The following ODAD2 variants were observed in gnomAD, a reference collection of about 807,000 sequenced individuals.
The protein encoded by ODAD2 is outer dynein arm docking complex subunit 2.
ODAD2 carries 89 observed loss-of-function variants against 106.8 expected under a neutral mutation model. That is an observed-to-expected ratio of 0.83 (90% CI 0.70 to 0.99). ODAD2 has a LOEUF of 0.99. ODAD2 is among the 50% of genes least tolerant of loss of function. The pLI, the probability that ODAD2 is intolerant of heterozygous loss-of-function variation, is 0.00. For synonymous variants in ODAD2, 404 were observed against 436.2 expected (o/e 0.93, Z 0.92); for missense variants, 1,168 against 1,238.5 (o/e 0.94, Z 0.85).
At chr10:27,933,560 G>T (rs536997205) in intron 16 of ODAD2, among the ~76,000 whole-genome samples, 1 of 152,288 alleles carries the variant, frequency 6.6e-6, no homozygotes, top group East Asian at 1.9e-4. Flanking sequence ...CCAGGTAAAA[G>T]ATGACAGAGC....
chr10:27,852,185 C>T (rs1441973853), intron 19 of ODAD2, among the ~76,000 whole-genome samples: 1 of 152,166 alleles, frequency 6.6e-6, no homozygotes, highest in African/African-American at 2.4e-5. Context: ...TAAAAGTCTT[C>T]TAGGCAGAAG....
intron 7 of ODAD2, among the ~76,000 whole-genome samples, chr10:27,979,982 T>C (rs1262906423): frequency 6.6e-6 from 1 of 152,132 alleles, no homozygotes; most frequent in Non-Finnish European, 1.5e-5. Flanking sequence ...AAAAGAAAGA[T>C]ATAGACCAAT....
rs973794793 is a variant in ODAD2, at chr10:27,909,719, G to A, written c.2496-1942C>T. On this transcript the variant is annotated intron_variant, in intron 16 of 19. Coordinates refer to ENST00000305242, the MANE Select transcript of ODAD2 (RefSeq NM_018076.5). ...TGTAGTCCCAGCTACTCAGGAGGCT[G>A]AGGCAGGAGAGTCGCTTGAACCCAG... Among the ~76,000 whole-genome samples the A allele has an allele frequency of 2.7e-5, 4 of 149,756 alleles. No individual in the cohort carries two copies. The Admixed American group carries it at 2.7e-4, about 10-fold the overall frequency.
chr10:27,831,364 AG>A (rs1205327757), intron 19 of ODAD2, among the ~76,000 whole-genome samples: 2 of 152,198 alleles, frequency 1.3e-5, no homozygotes, highest in Non-Finnish European at 2.9e-5. Flanking sequence ...GGAAAGGCAG[AG>A]GGGCTAGAGA....
intron 19 of ODAD2, among the ~76,000 whole-genome samples, chr10:27,830,597 C>T (rs1837400763): frequency 6.6e-6 from 1 of 152,178 alleles, no homozygotes; most frequent in African/African-American, 2.4e-5. Flanking sequence ...CCTAGTGAAA[C>T]AGTTCTATTT....
intron 16 of ODAD2, among the ~76,000 whole-genome samples, chr10:27,912,346 G>A (rs1300859312): frequency 6.6e-6 from 1 of 152,034 alleles, no homozygotes; most frequent in Admixed American, 6.6e-5. Flanking sequence ...AAATCAAACT[G>A]CCTGGCTGGC....
intron 17 of ODAD2, among the ~76,000 whole-genome samples, chr10:27,867,363 T>A (rs953407134): frequency 3.3e-5 from 5 of 152,162 alleles, no homozygotes; most frequent in African/African-American, 1.2e-4. Flanking sequence ...GGGTGTTCTG[T>A]TAGGCCTGAG....
chr10:27,818,118 T>G (rs1836281637), intron 19 of ODAD2, among the ~76,000 whole-genome samples: 1 of 151,426 alleles, frequency 6.6e-6, no homozygotes, highest in Non-Finnish European at 1.5e-5. Flanking sequence ...GCTGCCAGCC[T>G]GGATGCCAAT....
At chr10:27,878,701 C>T (rs1041026557) in intron 17 of ODAD2, among the ~76,000 whole-genome samples, 5 of 152,136 alleles carry the variant, frequency 3.3e-5, no homozygotes, top group East Asian at 1.9e-4. Context: ...GAAAACTGAA[C>T]GGGCAAATCT....
At chr10:27,885,705 A>AAATATATAT (rs1842113459) in intron 17 of ODAD2, among the ~76,000 whole-genome samples, 1 of 53,434 alleles carries the variant, frequency 1.9e-5, no homozygotes, top group South Asian at 5.0e-4. Flanking sequence ...AATATATATA[A>AAATATATAT]AATATATATT....
intron 9 of ODAD2, among the ~76,000 whole-genome samples, chr10:27,967,425 A>G (rs920203038): frequency 2.0e-5 from 3 of 152,246 alleles, no homozygotes; most frequent in Non-Finnish European, 4.4e-5. Context: ...GCAGAGGCAT[A>G]GGTGGAGCAT....
intron 17 of ODAD2, among the ~76,000 whole-genome samples, chr10:27,899,708 C>T (rs1843070092): frequency 6.6e-6 from 1 of 151,922 alleles, no homozygotes; most frequent in African/African-American, 2.4e-5. Flanking sequence ...GAAGTTCGAA[C>T]TGGGCGGAGC....
chr10:27,961,225 G>T (rs1848115953), intron 10 of ODAD2, among the ~76,000 whole-genome samples: 3 of 152,190 alleles, frequency 2.0e-5, no homozygotes, highest in Admixed American at 2.0e-4. Flanking sequence ...AAGGGAAACA[G>T]CCTGGAGTTT....
At chr10:27,861,962 T>C (rs1840075748) in intron 18 of ODAD2, among the ~76,000 whole-genome samples, 1 of 152,200 alleles carries the variant, frequency 6.6e-6, no homozygotes, top group African/African-American at 2.4e-5. Flanking sequence ...TCATTGTCTC[T>C]CAAGGCTGCT....
chr10:27,900,077 T>C lies in ODAD2; in HGVS notation c.2610+7586A>G, dbSNP rs1843097141. On this transcript the variant is annotated intron_variant, in intron 17 of 19. Transcript: ENST00000305242. ...TTATATAGGAGAGCTCTGGCTGGCA[T>C]TTGGCAGGTGCCCCTCTAGGACAAA... Among the ~76,000 whole-genome samples, 4 of 152,086 alleles carry C rather than the reference T, an allele frequency of 2.6e-5. No homozygotes were observed. In the South Asian group the frequency reaches 8.3e-4, roughly 32 times the overall value.
chr10:27,820,639 T>G (rs1836527794), intron 19 of ODAD2, among the ~76,000 whole-genome samples: 1 of 152,118 alleles, frequency 6.6e-6, no homozygotes, highest in South Asian at 2.1e-4. Flanking sequence ...TAGTCCTGAG[T>G]GTACCAAGAG....
chr10:27,944,487 A>G, intron 11 of ODAD2, 56 bp from the exon 12 acceptor site: 1 of 1,501,826 alleles, frequency 6.7e-7, no homozygotes, highest in Non-Finnish European at 9.2e-7. Flanking sequence ...TATGTTTTTA[A>G]AAATTCCGAG....
chr10:27,849,092 C>T (rs1035402088), intron 19 of ODAD2, among the ~76,000 whole-genome samples: 1 of 152,200 alleles, frequency 6.6e-6, no homozygotes, highest in African/African-American at 2.4e-5. Flanking sequence ...GCTATAAAGA[C>T]ACATGCACAC....
At chr10:27,881,448 AG>A (rs1330096435) in intron 17 of ODAD2, among the ~76,000 whole-genome samples, 2 of 151,918 alleles carry the variant, frequency 1.3e-5, no homozygotes, top group Non-Finnish European at 2.9e-5. Context: ...TGGGCAACAT[AG>A]CAAGACTTCT....
Sources: allele counts gnomAD v4.1 joint callset (sites outside exome capture counted in the v4.1 genomes callset), GRCh38; gene constraint gnomAD v4.1.1; transcripts MANE v1.5; gene names NCBI Gene and HGNC (gene_info 2026-07-23, HGNC 2026-07-21).